AGBL4: variants seen among roughly 807,000 people sequenced by gnomAD.
AGBL4 encodes AGBL carboxypeptidase 4.
AGBL4 carries 58 observed loss-of-function variants against 66.4 expected under a neutral mutation model. The observed-to-expected ratio is 0.87, with a 90% CI of 0.71 to 1.09. AGBL4 has a LOEUF of 1.09. Among genes scored for constraint, AGBL4 ranks in the 50% least tolerant of loss-of-function variants. The pLI, the probability that AGBL4 is intolerant of heterozygous loss-of-function variation, is 0.00. For synonymous variants in AGBL4, 234 were observed against 222.9 expected, an observed-to-expected ratio of 1.05 and a Z score of -0.44; for missense variants, 579 against 631.0, an observed-to-expected ratio of 0.92 and a Z score of 0.88.
chr1:49,332,019 C>T (rs2148492408), intron 3 of AGBL4, among the ~76,000 whole-genome samples: 1 of 152,292 alleles, frequency 6.6e-6, no homozygotes. Context: ...CTGACCAGGG[C>T]AGAGGTGGTT....
chr1:49,481,577 A>G (rs1281592380), intron 3 of AGBL4, among the ~76,000 whole-genome samples: 1 of 152,088 alleles, frequency 6.6e-6, no homozygotes, highest in Non-Finnish European at 1.5e-5. Context: ...GCAAACAAAA[A>G]TAGTTTGACT....
At chr1:49,754,229 G>A (rs968569492) in intron 2 of AGBL4, among the ~76,000 whole-genome samples, 1 of 149,434 alleles carries the variant, frequency 6.7e-6, no homozygotes, top group Non-Finnish European at 1.5e-5. Context: ...GGTCTTTGAT[G>A]TTGGTGACCT....
chr1:48,524,722 C>T, the AGBL4 span, among the ~76,000 whole-genome samples: 1 of 152,142 alleles, frequency 6.6e-6, no homozygotes, highest in Non-Finnish European at 1.5e-5. Flanking sequence ...CATTTTCACA[C>T]ACAAATATAA....
At chr1:49,679,565 G>A (rs938511486) in intron 3 of AGBL4, among the ~76,000 whole-genome samples, 1 of 151,826 alleles carries the variant, frequency 6.6e-6, no homozygotes, top group African/African-American at 2.4e-5. Context: ...ACATTTAATG[G>A]AATTATGCAT....
At chr1:49,320,176 C>A (rs986975771) in intron 3 of AGBL4, among the ~76,000 whole-genome samples, 2 of 152,082 alleles carry the variant, frequency 1.3e-5, no homozygotes, top group South Asian at 2.1e-4. Context: ...AGCAATTCAC[C>A]CACCTCGGCC....
chr1:48,739,410 G>C (rs555056124), intron 6 of AGBL4, among the ~76,000 whole-genome samples: 1 of 152,226 alleles, frequency 6.6e-6, no homozygotes, highest in South Asian at 2.1e-4. Context: ...GGCTTTGAAG[G>C]CCCATTAGAA....
At chr1:48,771,711 C>T (rs183497214) in intron 6 of AGBL4, among the ~76,000 whole-genome samples, 4 of 152,280 alleles carry the variant, frequency 2.6e-5, no homozygotes, top group East Asian at 3.9e-4. Flanking sequence ...CATATGAAAT[C>T]GGCTAGTCCT....
At chr1:48,726,156 C>T (rs549176650) in intron 6 of AGBL4, among the ~76,000 whole-genome samples, 4 of 152,160 alleles carry the variant, frequency 2.6e-5, no homozygotes, top group African/African-American at 7.2e-5. Context: ...TCAAACATTA[C>T]GCAAAGCACT....
chr1:48,599,599 A>C (rs1239738204), intron 9 of AGBL4, among the ~76,000 whole-genome samples: 2 of 152,222 alleles, frequency 1.3e-5, no homozygotes, highest in Non-Finnish European at 2.9e-5. Flanking sequence ...TATTTAATAA[A>C]TATTGTGGCC....
chr1:49,374,662 T>C (rs1644435129), intron 3 of AGBL4, among the ~76,000 whole-genome samples: 1 of 152,100 alleles, frequency 6.6e-6, no homozygotes, highest in Non-Finnish European at 1.5e-5. Flanking sequence ...TTTTCTTTTT[T>C]ACCTTCATCA....
At chr1:48,691,627 C>T (rs1204396738) in intron 6 of AGBL4, among the ~76,000 whole-genome samples, 1 of 152,206 alleles carries the variant, frequency 6.6e-6, no homozygotes, top group African/African-American at 2.4e-5. Context: ...TTGTTCTACA[C>T]AGTTCATTCC....
At position 49,111,580 on chromosome 1, in the gene AGBL4, T is replaced by C. The variant is rs546510205; in HGVS notation, c.378-65780A>G. Among the ~76,000 whole-genome samples the C allele has an allele frequency of 2.0e-5, 3 of 152,360 alleles. No homozygotes were observed. In the South Asian group the frequency reaches 6.2e-4, roughly 32 times the overall value. ...AGAGAGGCTTCTTTTGACCATATCA[T>C]CTAAGTATGTCTCTCATGCCATCTT... On this transcript the variant is annotated intron_variant, in intron 4 of 13. Coordinates refer to ENST00000371839, the MANE Select transcript of AGBL4 (RefSeq NM_032785.4).
At chr1:49,464,489 C>G (rs2148703608) in intron 3 of AGBL4, among the ~76,000 whole-genome samples, 1 of 151,860 alleles carries the variant, frequency 6.6e-6, no homozygotes, top group South Asian at 2.1e-4. Context: ...TCTGAGTACA[C>G]CTTCTTTGAT....
intron 1 of AGBL4, among the ~76,000 whole-genome samples, chr1:49,965,392 T>C (rs1657470872): frequency 6.6e-6 from 1 of 152,140 alleles, no homozygotes; most frequent in Non-Finnish European, 1.5e-5. Context: ...GAGGCATGAG[T>C]AGAAAGCATC....
At chr1:48,654,564 G>C (rs140555792) in intron 7 of AGBL4, among the ~76,000 whole-genome samples, 203 of 152,316 alleles carry the variant, frequency 1.3e-3, no homozygotes, top group African/African-American at 4.8e-3. Context: ...GTGGGGCCCC[G>C]TTCCTGCTGG....
At chr1:49,577,758 T>A (rs1461234033) in intron 3 of AGBL4, among the ~76,000 whole-genome samples, 1 of 152,212 alleles carries the variant, frequency 6.6e-6, no homozygotes, top group African/African-American at 2.4e-5. Context: ...TTCCTCATTA[T>A]CCTGAAGCAG....
intron 4 of AGBL4, among the ~76,000 whole-genome samples, chr1:49,090,662 C>T (rs1282888637): frequency 6.6e-6 from 1 of 152,040 alleles, no homozygotes; most frequent in Non-Finnish European, 1.5e-5. Context: ...CCATACTGCC[C>T]AAAGCAATAT....
chr1:49,723,932 T>A (rs759304469), intron 2 of AGBL4, among the ~76,000 whole-genome samples: 5 of 152,142 alleles, frequency 3.3e-5, no homozygotes, highest in Non-Finnish European at 7.4e-5. Flanking sequence ...GGAAGCAGAA[T>A]AAGCCATCAG....
intron 6 of AGBL4, among the ~76,000 whole-genome samples, chr1:48,841,795 AAG>A (rs1646812018): frequency 6.6e-6 from 1 of 152,076 alleles, no homozygotes; most frequent in Non-Finnish European, 1.5e-5. Context: ...AGTCTATTTT[AAG>A]AGTCATAATT....
Sources: gnomAD v4.1 joint callset for allele counts (sites outside exome capture counted in the v4.1 genomes callset) on GRCh38, gnomAD v4.1.1 for gene constraint, MANE v1.5 for transcripts, NCBI Gene and HGNC (gene_info 2026-07-23, HGNC 2026-07-21) for gene names.